The following CLDN10 variants were observed in gnomAD, a reference collection of about 807,000 sequenced individuals.
CLDN10 encodes claudin 10, also known as claudin-10.
CLDN10 carries 15 observed loss-of-function variants against 22.9 expected under a neutral mutation model. That is an observed-to-expected ratio of 0.65 (90% CI 0.44 to 1.01). CLDN10 has a LOEUF of 1.01. CLDN10 is among the 50% of genes least tolerant of loss of function. The pLI is 0.00. For missense variants in CLDN10, 247 were observed against 287.8 expected, an observed-to-expected ratio of 0.86 and a Z score of 1.03; for synonymous variants, 114 against 111.4, an observed-to-expected ratio of 1.02 and a Z score of -0.15.
intron 1 of CLDN10, among the ~76,000 whole-genome samples, chr13:95,493,341 T>G (rs574433494): frequency 1.8e-4 from 27 of 152,180 alleles, no homozygotes; most frequent in African/African-American, 6.0e-4. Flanking sequence ...TTTAATCATG[T>G]TTAAGTATAC....
At chr13:95,501,034 T>G (rs1355666558) in intron 1 of CLDN10, among the ~76,000 whole-genome samples, 3 of 152,096 alleles carry the variant, frequency 2.0e-5, no homozygotes, top group Non-Finnish European at 4.4e-5. Context: ...TTTTTCTTTT[T>G]TACAGAGTAT....
intron 1 of CLDN10, among the ~76,000 whole-genome samples, chr13:95,530,586 T>C (rs2043331564): frequency 6.6e-6 from 1 of 152,142 alleles, no homozygotes; most frequent in South Asian, 2.1e-4. Context: ...ATCCCAAATT[T>C]CATAAAGGAG....
upstream of CLDN10, among the ~76,000 whole-genome samples, chr13:95,548,830 G>A (rs1169281111): frequency 6.6e-6 from 1 of 152,142 alleles, no homozygotes; most frequent in African/African-American, 2.4e-5. Context: ...AATCTAGGAA[G>A]GAGCTAATGT....
chr13:95,536,427 C>A (rs971071892), intron 1 of CLDN10, among the ~76,000 whole-genome samples: 5 of 151,978 alleles, frequency 3.3e-5, no homozygotes, highest in African/African-American at 1.2e-4. Context: ...CCAGCCCAGG[C>A]GACAGAGCAA....
At chr13:95,501,070 A>G (rs921659696) in intron 1 of CLDN10, among the ~76,000 whole-genome samples, 1 of 151,714 alleles carries the variant, frequency 6.6e-6, no homozygotes, top group Non-Finnish European at 1.5e-5. Context: ...GCTGGAGTGT[A>G]GTGGCATGAT....
At chr13:95,503,215 A>G (rs9302076) in intron 1 of CLDN10, among the ~76,000 whole-genome samples, 49,325 of 152,050 alleles carry the variant, frequency 0.32, 9,579 homozygotes, top group Non-Finnish European at 0.41. Context: ...GTAGATTTTC[A>G]TAGAGGTGAT....
intron 1 of CLDN10, among the ~76,000 whole-genome samples, chr13:95,494,232 G>T (rs182200240): frequency 1.7e-3 from 254 of 152,244 alleles, no homozygotes; most frequent in African/African-American, 6.0e-3. Flanking sequence ...CCCCATAGTA[G>T]CTGTCTTGCA....
At chr13:95,524,402 G>A (rs2043256327) in intron 1 of CLDN10, among the ~76,000 whole-genome samples, 2 of 152,278 alleles carry the variant, frequency 1.3e-5, no homozygotes, top group Middle Eastern at 6.8e-3. Flanking sequence ...CAACATCATG[G>A]AATTGTGTAA....
intron 1 of CLDN10, chr13:95,479,546 T>C (rs1369243377): frequency 2.6e-5 from 4 of 152,166 alleles, no homozygotes; most frequent in Non-Finnish European, 4.4e-5. Context: ...GATGGACATT[T>C]AGCAAAAATA....
chr13:95,546,350 C>T (rs2043509553), intron 1 of CLDN10, among the ~76,000 whole-genome samples: 1 of 152,116 alleles, frequency 6.6e-6, no homozygotes, highest in South Asian at 2.1e-4. Flanking sequence ...GTGACTTAAT[C>T]TCTCTGTGGT....
In CLDN10 at chr13:95,577,243, A is replaced by T. The variant is rs1379667231; in HGVS notation, c.477A>T (p.Gly159=). 1.2e-6 allele frequency: 2 copies of T among 1,613,344 alleles called. No homozygotes were observed. The highest frequency in any genetic ancestry group is 1.7e-5 in the Admixed American group (1 of 60,000). ...PLFVEQKYEL[G]AALFIGWAGA... is the part of the protein sequence containing the mutation. Reference sequence around the variant, plus strand: ...TGCTTTCTCACAGGTATGAATTAGGAGCCGCTCTGTTTATTGGATGGGCAG... The same window carrying T: ...TGCTTTCTCACAGGTATGAATTAGGTGCCGCTCTGTTTATTGGATGGGCAG... The change falls in exon 4 of 5, where the codon GGA becomes GGT. Residue 159 remains glycine (G), a synonymous_variant. Coordinates refer to ENST00000299339, the MANE Select transcript of CLDN10 (RefSeq NM_006984.5).
chr13:95,570,918 A>C (rs990984693), intron 3 of CLDN10, among the ~76,000 whole-genome samples: 2 of 139,394 alleles, frequency 1.4e-5, no homozygotes, highest in Non-Finnish European at 3.1e-5. Flanking sequence ...AATTCATTTC[A>C]GCATTCCTGA....
At chr13:95,564,936 TAA>T (rs1162191936) in intron 3 of CLDN10, among the ~76,000 whole-genome samples, 2 of 152,226 alleles carry the variant, frequency 1.3e-5, no homozygotes, top group East Asian at 1.9e-4. Flanking sequence ...CTGCAATCTG[TAA>T]AGAGTTTCAT....
chr13:95,476,483 C>T (rs1001709998), intron 1 of CLDN10, among the ~76,000 whole-genome samples: 14 of 152,126 alleles, frequency 9.2e-5, no homozygotes, highest in Non-Finnish European at 1.8e-4. Context: ...GGGGGCTCCA[C>T]CCTCAAGATC....
At chr13:95,560,586 T>G in intron 3 of CLDN10, 123 bp downstream of exon 3, 1 of 716,646 alleles carries the variant, frequency 1.4e-6, no homozygotes, top group South Asian at 1.8e-5. Flanking sequence ...AAATGGTAAC[T>G]GATGACATCA....
Position 95,560,474 on chromosome 13 carries a change from T to C in CLDN10, c.464+11T>C, listed in dbSNP as rs752846602. 6.3e-7 allele frequency: 1 copy of C among 1,598,366 alleles called. No individual in the cohort carries two copies. The highest frequency in any genetic ancestry group is 2.2e-5 in the East Asian group (1 of 44,794). On this transcript the variant is annotated intron_variant, in intron 3 of 4. Coordinates refer to ENST00000299339, the MANE Select transcript of CLDN10 (RefSeq NM_006984.5). ...CTTTGTTGAGCAAAAGTAAGTACTCTTCTCAGTCTGTTTCCAGCTCACAGG... is the reference window on the plus strand; with the variant it reads ...CTTTGTTGAGCAAAAGTAAGTACTCCTCTCAGTCTGTTTCCAGCTCACAGG...
chr13:95,514,958 A>G (rs2043148262), intron 1 of CLDN10, among the ~76,000 whole-genome samples: 2 of 152,134 alleles, frequency 1.3e-5, no homozygotes, highest in South Asian at 4.1e-4. Flanking sequence ...CAGATTTGAG[A>G]TACACTATGG....
chr13:95,498,748 A>G (rs1317588334), intron 1 of CLDN10, among the ~76,000 whole-genome samples: 1 of 152,228 alleles, frequency 6.6e-6, no homozygotes, highest in Admixed American at 6.5e-5. Flanking sequence ...TATGCACAAC[A>G]TAAACTTTAC....
intron 1 of CLDN10, among the ~76,000 whole-genome samples, chr13:95,530,532 G>A (rs539936184): frequency 8.5e-5 from 13 of 152,262 alleles, no homozygotes; most frequent in African/African-American, 2.4e-4. Context: ...TATACTCATC[G>A]AAAGGACCCT....
Sources: gnomAD v4.1 joint callset for allele counts (sites outside exome capture counted in the v4.1 genomes callset) on GRCh38, gnomAD v4.1.1 for gene constraint, MANE v1.5 for transcripts, NCBI Gene and HGNC (gene_info 2026-07-23, HGNC 2026-07-21) for gene names.